SLC39A8: variants seen among roughly 807,000 people sequenced by gnomAD.
SLC39A8 encodes the protein solute carrier family 39 member 8.
In SLC39A8, 15 loss-of-function variants were observed where a neutral mutation model predicts 40.4. That is an observed-to-expected ratio of 0.37 (90% CI 0.25 to 0.57). The LOEUF (loss-of-function observed/expected upper bound fraction) is 0.57. Among genes scored for constraint, SLC39A8 ranks in the 20% least tolerant of loss-of-function variants. SLC39A8 has a pLI of 0.75. For synonymous variants in SLC39A8, 223 were observed against 221.6 expected (o/e 1.01, Z -0.06); for missense variants, 472 against 558.8 (o/e 0.84, Z 1.57).
At chr4:102,300,057 T>C (rs1327831710) in intron 6 of SLC39A8, among the ~76,000 whole-genome samples, 1 of 151,956 alleles carries the variant, frequency 6.6e-6, no homozygotes, top group Non-Finnish European at 1.5e-5. Context: ...ACTGGGGAAA[T>C]AGCATCTTGT....
At chr4:102,303,742 AC>A (rs1734013900) in intron 6 of SLC39A8, among the ~76,000 whole-genome samples, 1 of 151,738 alleles carries the variant, frequency 6.6e-6, no homozygotes, top group African/African-American at 2.4e-5. Flanking sequence ...TAGTTCTAAT[AC>A]ATAAGAAATA....
chr4:102,282,788 G>A (rs233823), intron 6 of SLC39A8, among the ~76,000 whole-genome samples: 25,404 of 152,186 alleles, frequency 0.17, 2,505 homozygotes, highest in Non-Finnish European at 0.23. Flanking sequence ...AGGCAGTGAC[G>A]CAATCTTGGC....
chr4:102,259,428 AT>A, downstream of SLC39A8: 1 of 1,470,412 alleles, frequency 6.8e-7, no homozygotes, highest in Non-Finnish European at 9.3e-7. Flanking sequence ...AAGCCCACCC[AT>A]TAAAATTGTT....
intron 2 of SLC39A8, chr4:102,324,344 G>C: frequency 4.9e-6 from 1 of 204,356 alleles, no homozygotes; most frequent in Non-Finnish European, 1.1e-5. Flanking sequence ...GCAGTGAGCC[G>C]AGATAGTGCC....
Position 102,291,805 on chromosome 4 carries a change from C to T in SLC39A8, c.840+12512G>A, listed in dbSNP as rs142873935. 9.1e-4 allele frequency among the ~76,000 whole-genome samples: 139 copies of T among 152,028 alleles called. 1 individual carries two copies. The highest frequency in any genetic ancestry group is 3.2e-3 in the African/African-American group (134 of 41,500). ...AGAAGCAAAGCATCAAAATTCAATC[C>T]ATCAACAGACAAATGGACAAAGAAA... On this transcript the variant is annotated intron_variant, in intron 6 of 8. Transcript: ENST00000356736.
intron 2 of SLC39A8, among the ~76,000 whole-genome samples, chr4:102,320,178 T>TAC (rs1432237304): frequency 3.0e-5 from 3 of 99,538 alleles, no homozygotes; most frequent in South Asian, 7.3e-4. Context: ...CATATATATA[T>TAC]ATATATATAT....
At chr4:102,335,623 A>G (rs1735632973) in intron 2 of SLC39A8, among the ~76,000 whole-genome samples, 1 of 152,238 alleles carries the variant, frequency 6.6e-6, no homozygotes, top group Non-Finnish European at 1.5e-5. Flanking sequence ...ATAATAAAAT[A>G]AAGCCAACTT....
intron 2 of SLC39A8, among the ~76,000 whole-genome samples, chr4:102,340,776 T>C (rs1031508841): frequency 1.3e-5 from 2 of 152,158 alleles, no homozygotes; most frequent in East Asian, 1.9e-4. Flanking sequence ...ATTCAGAAAA[T>C]AGAGAAATCA....
At chr4:102,284,894 G>C (rs998217197) in intron 6 of SLC39A8, among the ~76,000 whole-genome samples, 1 of 152,040 alleles carries the variant, frequency 6.6e-6, no homozygotes, top group Non-Finnish European at 1.5e-5. Context: ...TTTGTAACCT[G>C]GTAATAGAGG....
At chr4:102,283,928 C>T (rs1733028768) in intron 6 of SLC39A8, among the ~76,000 whole-genome samples, 1 of 152,150 alleles carries the variant, frequency 6.6e-6, no homozygotes, top group Admixed American at 6.5e-5. Flanking sequence ...GCTGTTTCCT[C>T]AGCCATAATA....
chr4:102,260,502 T>A (rs1731822116), downstream of SLC39A8, among the ~76,000 whole-genome samples: 1 of 152,200 alleles, frequency 6.6e-6, no homozygotes, highest in African/African-American at 2.4e-5. Context: ...ATGTAGAATT[T>A]AGACCTTAAG....
intron 6 of SLC39A8, among the ~76,000 whole-genome samples, chr4:102,296,738 A>T (rs1296218758): frequency 6.6e-6 from 1 of 152,136 alleles, no homozygotes; most frequent in Non-Finnish European, 1.5e-5. Context: ...GGAGACTCAG[A>T]AGAAGCACCA....
At chr4:102,332,310 A>C (rs1735502123) in intron 2 of SLC39A8, among the ~76,000 whole-genome samples, 1 of 152,228 alleles carries the variant, frequency 6.6e-6, no homozygotes, top group East Asian at 1.9e-4. Flanking sequence ...AACTGAAACA[A>C]ATTTACAAGA....
At chr4:102,303,294 C>G (rs938238766) in intron 6 of SLC39A8, among the ~76,000 whole-genome samples, 2 of 151,876 alleles carry the variant, frequency 1.3e-5, no homozygotes, top group African/African-American at 2.4e-5. Context: ...TTTCAGCATC[C>G]CTTTTTGATA....
chr4:102,253,293 C>T (rs1731635073), exon 12 of SLC39A8: 1 of 491,978 alleles, frequency 2.0e-6, no homozygotes. Flanking sequence ...TTTTGAGAAA[C>T]TTCACAGCAC....
At chr4:102,282,071 T>C (rs233826) in intron 6 of SLC39A8, among the ~76,000 whole-genome samples, 119,004 of 152,170 alleles carry the variant, frequency 0.78, 46,992 homozygotes, top group African/African-American at 0.86. Flanking sequence ...ATGAGGGAAC[T>C]GAGGTATAGA....
At chr4:102,309,411 A>G (rs956906009) in intron 3 of SLC39A8, among the ~76,000 whole-genome samples, 2 of 151,922 alleles carry the variant, frequency 1.3e-5, no homozygotes, top group African/African-American at 4.8e-5. Flanking sequence ...CATGCCCTAC[A>G]ACTTCACCTA....
intron 2 of SLC39A8, among the ~76,000 whole-genome samples, chr4:102,323,058 G>A (rs563042634): frequency 1.6e-4 from 24 of 152,286 alleles, no homozygotes; most frequent in South Asian, 4.1e-4. Context: ...ATGCAGCTGT[G>A]ATGAAAGCCA....
At chr4:102,289,412 A>G (rs771709628) in intron 6 of SLC39A8, among the ~76,000 whole-genome samples, 48 of 152,284 alleles carry the variant, frequency 3.2e-4, no homozygotes, top group Non-Finnish European at 6.2e-4. Context: ...CCAACATAAC[A>G]TCCCTCCTGA....
Sources: allele counts gnomAD v4.1 joint callset (sites outside exome capture counted in the v4.1 genomes callset), GRCh38; gene constraint gnomAD v4.1.1; transcripts MANE v1.5; gene names NCBI Gene and HGNC (gene_info 2026-07-23, HGNC 2026-07-21).